The following DSCAM variants were observed in gnomAD, a reference collection of about 807,000 sequenced individuals.
The protein encoded by DSCAM is DS cell adhesion molecule, also known as cell adhesion molecule DSCAM.
A neutral mutation model predicts 217.7 loss-of-function variants in DSCAM; 47 were observed. The observed-to-expected ratio is 0.22, with a 90% CI of 0.17 to 0.28. The LOEUF is 0.28. Ranked by LOEUF, DSCAM falls within the 10% of genes least tolerant of loss-of-function variation. DSCAM has a pLI of 1.00. For missense variants in DSCAM, 2,080 were observed against 2,618.3 expected, an observed-to-expected ratio of 0.79 and a Z score of 4.49; for synonymous variants, 1,056 against 1,015.3, an observed-to-expected ratio of 1.04 and a Z score of -0.76.
At chr21:40,284,087 G>T (rs959612490) in intron 10 of DSCAM, among the ~76,000 whole-genome samples, 5 of 152,126 alleles carry the variant, frequency 3.3e-5, no homozygotes, top group African/African-American at 1.2e-4. Flanking sequence ...GAATAGTTGG[G>T]GGATTGCAGG....
intron 3 of DSCAM, among the ~76,000 whole-genome samples, chr21:40,507,330 C>G (rs890095044): frequency 6.6e-6 from 1 of 152,006 alleles, no homozygotes; most frequent in Non-Finnish European, 1.5e-5. Flanking sequence ...CTATTCAACA[C>G]CAGTAGCAGA....
At chr21:40,481,323 A>G (rs1410855496) in intron 3 of DSCAM, among the ~76,000 whole-genome samples, 2 of 152,022 alleles carry the variant, frequency 1.3e-5, no homozygotes, top group African/African-American at 2.4e-5. Flanking sequence ...CCCCGTCTCT[A>G]CTAAGAATAC....
chr21:40,175,531 C>T (rs1214717566), intron 15 of DSCAM, among the ~76,000 whole-genome samples: 1 of 151,982 alleles, frequency 6.6e-6, no homozygotes, highest in Non-Finnish European at 1.5e-5. Context: ...TGCCTTCTTC[C>T]CATGTCCTCC....
intron 5 of DSCAM, among the ~76,000 whole-genome samples, chr21:40,350,863 GC>G (rs1243192542): frequency 2.3e-5 from 3 of 129,442 alleles, no homozygotes; most frequent in Non-Finnish European, 4.9e-5. Flanking sequence ...AAAGTGTTTA[GC>G]AAATAAGTCA....
intron 1 of DSCAM, among the ~76,000 whole-genome samples, chr21:40,833,444 C>T (rs1045397057): frequency 1.3e-5 from 2 of 152,182 alleles, no homozygotes; most frequent in African/African-American, 4.8e-5. Context: ...ACAGGGCAAC[C>T]AGGCGAGAGA....
At chr21:40,814,412 G>A (rs1272238512) in intron 1 of DSCAM, among the ~76,000 whole-genome samples, 1 of 152,246 alleles carries the variant, frequency 6.6e-6, no homozygotes, top group Non-Finnish European at 1.5e-5. Context: ...TAGCGTAGTA[G>A]AGAAAGGACC....
intron 1 of DSCAM, among the ~76,000 whole-genome samples, chr21:40,773,477 G>T (rs1206230112): frequency 6.6e-6 from 1 of 152,098 alleles, no homozygotes; most frequent in African/African-American, 2.4e-5. Flanking sequence ...TGGATTTAGG[G>T]CTTATAGTAA....
intron 1 of DSCAM, among the ~76,000 whole-genome samples, chr21:40,790,307 G>C (rs1218564508): frequency 6.6e-6 from 1 of 151,086 alleles, no homozygotes. Flanking sequence ...TCAGCCCCTC[G>C]AGTAGCTGGG....
chr21:40,845,540 C>CCT (rs71332310), intron 1 of DSCAM, among the ~76,000 whole-genome samples: 11,731 of 138,806 alleles, frequency 0.085, 612 homozygotes, highest in East Asian at 0.19. Context: ...CTCTTCTTCT[C>CCT]CTCTCTCTCT....
chr21:40,337,731 A>G (rs2074442848), intron 8 of DSCAM, among the ~76,000 whole-genome samples: 1 of 152,224 alleles, frequency 6.6e-6, no homozygotes, highest in Non-Finnish European at 1.5e-5. Context: ...CTTCCAGTGA[A>G]GTTCTAAGAG....
chr21:40,386,556 TGG>T (rs1569098668), intron 3 of DSCAM, among the ~76,000 whole-genome samples: 2 of 152,216 alleles, frequency 1.3e-5, no homozygotes. Flanking sequence ...ACGCGTGGTG[TGG>T]GAACTGCAGG....
chr21:40,778,170 G>A (rs541014186), intron 1 of DSCAM, among the ~76,000 whole-genome samples: 7 of 152,138 alleles, frequency 4.6e-5, no homozygotes, highest in East Asian at 3.9e-4. Flanking sequence ...AAAGGAACAC[G>A]ACCTTAAAAA....
chr21:40,423,183 C>T lies in DSCAM; in HGVS notation c.509-53938G>A, dbSNP rs184626210. 2.1e-3 allele frequency among the ~76,000 whole-genome samples: 323 copies of T among 152,270 alleles called. 4 individuals carry two copies. The highest frequency in any genetic ancestry group is 1.9e-3 in the Non-Finnish European group (129 of 68,012). On this transcript the variant is annotated intron_variant, in intron 3 of 32. Transcript: ENST00000400454. Reference sequence around the variant, plus strand: ...TTTATGTACCCTCTTCTGACTTTGCCAGGCAGTGGCATATGCGAGCATCTA... The same window carrying T: ...TTTATGTACCCTCTTCTGACTTTGCTAGGCAGTGGCATATGCGAGCATCTA...
chr21:40,653,400 G>A (rs542723823), intron 3 of DSCAM, among the ~76,000 whole-genome samples: 16 of 152,330 alleles, frequency 1.1e-4, no homozygotes, highest in African/African-American at 3.6e-4. Flanking sequence ...TCCACAGCCA[G>A]GCATTTTCAG....
At chr21:40,619,018 G>A (rs1306543535) in intron 3 of DSCAM, 1 of 151,996 alleles carries the variant, frequency 6.6e-6, no homozygotes, top group Non-Finnish European at 1.5e-5. Context: ...GAAGCAAGCA[G>A]TATGCCACTT....
At chr21:40,395,636 C>T (rs1208455338) in intron 3 of DSCAM, among the ~76,000 whole-genome samples, 1 of 151,654 alleles carries the variant, frequency 6.6e-6, no homozygotes, top group Non-Finnish European at 1.5e-5. Context: ...ATACTGAGAC[C>T]TTGCTATTGG....
At chr21:40,538,597 G>A (rs1284611361) in intron 3 of DSCAM, among the ~76,000 whole-genome samples, 1 of 152,138 alleles carries the variant, frequency 6.6e-6, no homozygotes, top group African/African-American at 2.4e-5. Flanking sequence ...TTCTGTGTTT[G>A]CCATACAATG....
chr21:40,569,940 GAAGC>G (rs1387715853), intron 3 of DSCAM, among the ~76,000 whole-genome samples: 3 of 152,126 alleles, frequency 2.0e-5, no homozygotes, highest in Non-Finnish European at 4.4e-5. Context: ...TGAACGTAAG[GAAGC>G]AAGGACAAAT....
At chr21:40,084,080 C>T in intron 23 of DSCAM, 74 bp from the exon 24 acceptor site, 3 of 1,211,982 alleles carry the variant, frequency 2.5e-6, no homozygotes, top group Admixed American at 2.5e-5. Context: ...AGTCATTTAC[C>T]AACTCATTTT....
Sources: gnomAD v4.1 joint callset for allele counts (sites outside exome capture counted in the v4.1 genomes callset) on GRCh38, gnomAD v4.1.1 for gene constraint, MANE v1.5 for transcripts, NCBI Gene and HGNC (gene_info 2026-07-23, HGNC 2026-07-21) for gene names.